LPP: variants seen among roughly 807,000 people sequenced by gnomAD.
The protein encoded by LPP is lipoma-preferred partner.
In LPP, 38 loss-of-function variants were observed where a neutral mutation model predicts 60.4. The observed-to-expected ratio is 0.63, with a 90% CI of 0.49 to 0.83. The LOEUF (loss-of-function observed/expected upper bound fraction) is 0.83. LPP is among the 40% of genes least tolerant of loss of function. LPP has a pLI of 0.00. For missense variants in LPP, 902 were observed against 783.6 expected (o/e 1.15, Z -1.80); for synonymous variants, 328 against 290.8 (o/e 1.13, Z -1.30).
chr3:188,552,040 G>T (rs1254493080), intron 6 of LPP, among the ~76,000 whole-genome samples: 2 of 152,086 alleles, frequency 1.3e-5, no homozygotes, highest in Non-Finnish European at 2.9e-5. Flanking sequence ...AAAAAATATT[G>T]CATTGTATCT....
intron 3 of LPP, among the ~76,000 whole-genome samples, chr3:188,385,140 T>C (rs1425120809): frequency 1.3e-5 from 2 of 152,090 alleles, no homozygotes; most frequent in Admixed American, 1.3e-4. Context: ...GGTTTCTTTC[T>C]ATCTGTCCAC....
chr3:188,842,362 A>G (rs1035500818), intron 9 of LPP, among the ~76,000 whole-genome samples: 1 of 152,196 alleles, frequency 6.6e-6, no homozygotes, highest in East Asian at 1.9e-4. Context: ...CCAATTTTAC[A>G]TCAGATTCTT....
At chr3:188,322,340 C>T (rs958583814) in intron 2 of LPP, among the ~76,000 whole-genome samples, 1 of 152,170 alleles carries the variant, frequency 6.6e-6, no homozygotes, top group Admixed American at 6.5e-5. Flanking sequence ...CCTGATTCGT[C>T]CTTCTTCACT....
chr3:188,609,372 C>A lies in LPP; in HGVS notation c.641C>A (p.Ser214Tyr), dbSNP rs1347469308. 1.2e-6 allele frequency: 2 copies of A among 1,614,168 alleles called. No homozygotes were observed. Among genetic ancestry groups the A allele is most frequent in the Non-Finnish European group, 1.7e-6 (2 of 1,180,022 alleles). ...GTCCCAGCCTCCTACACCACGGCCTCCACTTCTTCAAGGCCTACCTTTAAT... is the reference window on the plus strand; with the variant it reads ...GTCCCAGCCTCCTACACCACGGCCTACACTTCTTCAAGGCCTACCTTTAAT... ...QPVPASYTTA[S>Y]TSSRPTFNVQ... The change falls in exon 7 of 12, where the codon TCC becomes TAC. Residue 214 changes from serine (S) to tyrosine (Y), a missense_variant. By Grantham distance (144) the Ser-to-Tyr change is moderately radical (BLOSUM62 -2). Coordinates refer to ENST00000617246, the MANE Select transcript of LPP (RefSeq NM_001375462.1). The surrounding 1 kb of genome is among the most constrained non-coding windows in gnomAD (Gnocchi z 6.9).
In LPP at chr3:188,884,436, A is replaced by C. The variant is rs946719725; in HGVS notation, c.*9957A>C. 2 of 229,722 alleles carry C rather than the reference A, an allele frequency of 8.7e-6. No individual in the cohort carries two copies. Among genetic ancestry groups the C allele is most frequent in the Non-Finnish European group, 1.7e-5 (2 of 116,024 alleles). The allele number at this position is 229,722 out of a possible 1,614,324, so 14.2% of individuals were successfully genotyped here. The stretch of plus-strand genomic sequence containing the variant: ...CACATGTGTACTGCGGTCTTTAGAG[A>C]TCATTTAGAGCTTGCACACATCTGT... On this transcript the variant is annotated 3_prime_UTR_variant, in exon 12 of 12. Transcript: ENST00000617246.
Position 188,179,150 on chromosome 3 carries a change from C to G in LPP, c.-190+24898C>G, listed in dbSNP as rs207464163. The G allele has an allele frequency of 1.2e-5, 5 of 403,536 alleles. No individual in the cohort carries two copies. The East Asian group carries it at 2.9e-4, about 23-fold the overall frequency. 25.0% of individuals were successfully genotyped at this position (403,536 alleles called of 1,614,324 possible). A position where few individuals can be genotyped will look rare whatever the true frequency, so the allele number is the denominator to read the frequency against. On this transcript the variant is annotated intron_variant, in intron 1 of 11. Coordinates refer to ENST00000617246, the MANE Select transcript of LPP (RefSeq NM_001375462.1). The stretch of plus-strand genomic sequence containing the variant: ...AGCATTGATATGGGGTCTACATATT[C>G]CCCCCGGCCCCCATTCCCTATTATC...
intron 8 of LPP, among the ~76,000 whole-genome samples, chr3:188,755,301 G>A (rs1729772008): frequency 6.6e-6 from 1 of 152,094 alleles, no homozygotes; most frequent in Admixed American, 6.5e-5. Context: ...GGAAAGTTTG[G>A]GAGTATGTCA....
At chr3:188,524,897 GTCCT>G (rs35581046) in intron 6 of LPP, 110 bp downstream of exon 6, 13,703 of 236,916 alleles carry the variant, frequency 0.058, 853 homozygotes, top group African/African-American at 0.2. Context: ...CCTTCCGTCC[GTCCT>G]TCCTTCCTTC....
intron 9 of LPP, among the ~76,000 whole-genome samples, chr3:188,828,371 G>A (rs557614190): frequency 1.7e-4 from 26 of 151,302 alleles, no homozygotes; most frequent in African/African-American, 5.6e-4. Flanking sequence ...TTGGGAGGCC[G>A]AGGTGGGCGG....
chr3:188,506,955 A>G (rs1233807127), intron 5 of LPP, among the ~76,000 whole-genome samples: 4 of 151,652 alleles, frequency 2.6e-5, no homozygotes, highest in South Asian at 4.2e-4. Context: ...CCACCACCAC[A>G]CCTGGCTAAT....
chr3:188,826,063 A>T (rs1755396141), intron 9 of LPP, among the ~76,000 whole-genome samples: 1 of 152,018 alleles, frequency 6.6e-6, no homozygotes, highest in South Asian at 2.1e-4. Flanking sequence ...GTGCTACTCT[A>T]TGTAGAGTAC....
At chr3:188,699,949 A>C (rs1028358725) in intron 7 of LPP, among the ~76,000 whole-genome samples, 5 of 152,248 alleles carry the variant, frequency 3.3e-5, no homozygotes, top group African/African-American at 1.2e-4. Flanking sequence ...GAAGGGGGGA[A>C]AAGAACGAAA....
At chr3:188,634,814 A>G (rs1319896547) in intron 7 of LPP, among the ~76,000 whole-genome samples, 2 of 152,152 alleles carry the variant, frequency 1.3e-5, no homozygotes, top group African/African-American at 2.4e-5. Context: ...TTACTTCATT[A>G]TATATTACAA....
chr3:188,699,956 G>A (rs1012901902), intron 7 of LPP, among the ~76,000 whole-genome samples: 4 of 152,110 alleles, frequency 2.6e-5, no homozygotes, highest in African/African-American at 9.7e-5. Flanking sequence ...GGAAAAGAAC[G>A]AAAATATCAG....
chr3:188,499,356 T>A (rs1560483561), intron 5 of LPP, among the ~76,000 whole-genome samples: 1 of 152,206 alleles, frequency 6.6e-6, no homozygotes. Context: ...GATATTAAAT[T>A]TTCCCAGCAC....
At chr3:188,784,081 C>T (rs539388048) in intron 9 of LPP, among the ~76,000 whole-genome samples, 175 of 151,734 alleles carry the variant, frequency 1.2e-3, no homozygotes, top group African/African-American at 3.9e-3. Flanking sequence ...CCCCCTTCCA[C>T]GCTTCCCCCC....
In LPP at chr3:188,506,545, G is replaced by A. The variant is rs112240883; in HGVS notation, c.307-18120G>A. 1.0e-3 allele frequency among the ~76,000 whole-genome samples: 158 copies of A among 152,076 alleles called. 4 individuals are homozygous for A. The South Asian group carries it at 0.021, about 20-fold the overall frequency. On this transcript the variant is annotated intron_variant, in intron 5 of 11. Coordinates refer to ENST00000617246, the MANE Select transcript of LPP (RefSeq NM_001375462.1). ...TAGAAATTATTTAAAATCACAAATC[G>A]TAGAGCACCAGATTTGACATGGTCC...
chr3:188,659,285 T>C, intron 7 of LPP, among the ~76,000 whole-genome samples: 1 of 152,208 alleles, frequency 6.6e-6, no homozygotes, highest in Admixed American at 6.5e-5. Context: ...ATTATCAAAG[T>C]CAGGAGACCT....
intron 8 of LPP, 153 bp downstream of exon 8, chr3:188,708,546 G>A: frequency 9.5e-7 from 1 of 1,052,930 alleles, no homozygotes; most frequent in East Asian, 2.4e-5. Flanking sequence ...GTAATTGTAG[G>A]ATTTGCATTT....
Sources: allele counts gnomAD v4.1 joint callset (sites outside exome capture counted in the v4.1 genomes callset), GRCh38; gene constraint gnomAD v4.1.1; non-coding constraint Gnocchi (gnomAD v3.1); transcripts MANE v1.5; gene names NCBI Gene and HGNC (gene_info 2026-07-23, HGNC 2026-07-21).